The following RERE variants were observed in gnomAD, a reference collection of about 807,000 sequenced individuals.
RERE encodes arginine-glutamic acid dipeptide repeats protein.
RERE carries 40 observed loss-of-function variants against 146.1 expected under a neutral mutation model. The observed-to-expected ratio is 0.27, with a 90% CI of 0.21 to 0.36. The LOEUF is 0.36. Among genes scored for constraint, RERE ranks in the 10% least tolerant of loss-of-function variants. The pLI, the probability that RERE is intolerant of heterozygous loss-of-function variation, is 1.00. For missense variants in RERE, 1,933 were observed against 2,138.7 expected, an observed-to-expected ratio of 0.90 and a Z score of 1.90; for synonymous variants, 1,003 against 866.0, an observed-to-expected ratio of 1.16 and a Z score of -2.78.
intron 10 of RERE, among the ~76,000 whole-genome samples, chr1:8,472,344 T>G (rs1370684526): frequency 6.6e-6 from 1 of 152,222 alleles, no homozygotes; most frequent in African/African-American, 2.4e-5. Flanking sequence ...TCTAAACACC[T>G]GATCACGACC....
chr1:8,397,734 G>GT (rs1304773862), intron 12 of RERE, among the ~76,000 whole-genome samples: 1 of 152,124 alleles, frequency 6.6e-6, no homozygotes, highest in Non-Finnish European at 1.5e-5. Context: ...CCCATATGCA[G>GT]TAAGTTCCTG....
chr1:8,485,263 A>G (rs1644884279), intron 10 of RERE, among the ~76,000 whole-genome samples: 1 of 152,152 alleles, frequency 6.6e-6, no homozygotes, highest in Admixed American at 6.5e-5. Flanking sequence ...TGGGAGGCTG[A>G]GGCAGGAGAA....
intron 4 of RERE, among the ~76,000 whole-genome samples, chr1:8,584,820 C>G (rs890509616): frequency 6.6e-6 from 1 of 152,128 alleles, no homozygotes; most frequent in Non-Finnish European, 1.5e-5. Flanking sequence ...AGTATTGTTA[C>G]TCTGAAACTA....
intron 1 of RERE, among the ~76,000 whole-genome samples, chr1:8,813,835 G>A (rs1354874121): frequency 3.9e-5 from 6 of 152,038 alleles, no homozygotes; most frequent in African/African-American, 1.2e-4. Context: ...GGCTGGTCTC[G>A]AACTCCTGAC....
intron 4 of RERE, among the ~76,000 whole-genome samples, chr1:8,592,399 T>C (rs937088194): frequency 1.2e-4 from 18 of 152,208 alleles, no homozygotes; most frequent in Admixed American, 2.0e-4. Flanking sequence ...TCCTCCCAAG[T>C]ATCTGGGACT....
intron 1 of RERE, chr1:8,786,661 A>T (rs938078225): frequency 3.3e-5 from 26 of 778,676 alleles, no homozygotes; most frequent in Non-Finnish European, 5.6e-5. Context: ...TCTGGTCCTG[A>T]TGACAAAGGC....
intron 4 of RERE, among the ~76,000 whole-genome samples, chr1:8,578,765 G>A (rs752583538): frequency 3.4e-4 from 51 of 152,156 alleles, no homozygotes; most frequent in Non-Finnish European, 7.1e-4. Context: ...TGCTCCAGTT[G>A]AAAGAAACAT....
At chr1:8,361,631 C>G in intron 17 of RERE, 132 bp downstream of exon 17, 1 of 1,355,894 alleles carries the variant, frequency 7.4e-7, no homozygotes, top group South Asian at 1.2e-5. Flanking sequence ...GTGCCCTGAC[C>G]CAGCCAGTGT....
intron 11 of RERE, among the ~76,000 whole-genome samples, chr1:8,464,690 T>C (rs368191547): frequency 1.4e-4 from 21 of 152,272 alleles, no homozygotes; most frequent in African/African-American, 5.1e-4. Context: ...AATTCTCTAA[T>C]ATCCAAAAGG....
At chr1:8,701,754 C>T (rs1480749962) in intron 1 of RERE, among the ~76,000 whole-genome samples, 3 of 151,936 alleles carry the variant, frequency 2.0e-5, no homozygotes, top group Non-Finnish European at 2.9e-5. Context: ...TCCCAGGGAT[C>T]TTTATAAAAT....
In RERE at chr1:8,445,471, C is replaced by T. The variant is rs191187733; in HGVS notation, c.1203+20454G>A. 9.8e-5 allele frequency among the ~76,000 whole-genome samples: 15 copies of T among 152,346 alleles called. 1 individual carries two copies. The highest frequency in any genetic ancestry group is 6.5e-4 in the Admixed American group (10 of 15,304). ...TTCAGCCTGGACTCTCACATACCCA[C>T]ACCACACCCAAGCATCTGGACTCTT... On this transcript the variant is annotated intron_variant, in intron 11 of 22. Coordinates refer to ENST00000400908, the MANE Select transcript of RERE (RefSeq NM_001042681.2).
chr1:8,689,759 A>G (rs1397499437), intron 1 of RERE, among the ~76,000 whole-genome samples: 1 of 151,340 alleles, frequency 6.6e-6, no homozygotes, highest in African/African-American at 2.4e-5. Flanking sequence ...CCATCGAAGG[A>G]GCAATGGATA....
chr1:8,439,518 G>C (rs1644217658), intron 11 of RERE, among the ~76,000 whole-genome samples: 1 of 152,156 alleles, frequency 6.6e-6, no homozygotes, highest in Non-Finnish European at 1.5e-5. Flanking sequence ...TAACTACGAA[G>C]CTAGAGGTCA....
intron 1 of RERE, among the ~76,000 whole-genome samples, chr1:8,813,374 A>T (rs941932790): frequency 2.0e-5 from 3 of 152,208 alleles, no homozygotes; most frequent in African/African-American, 7.2e-5. Flanking sequence ...AGAACTTGGT[A>T]TGTCCAACTT....
At chr1:8,687,312 A>T (rs973284394) in intron 1 of RERE, among the ~76,000 whole-genome samples, 1 of 152,196 alleles carries the variant, frequency 6.6e-6, no homozygotes, top group African/African-American at 2.4e-5. Context: ...AGGTGGCAAG[A>T]TGTGGTAGGA....
intron 11 of RERE, among the ~76,000 whole-genome samples, chr1:8,458,228 G>A (rs1644478428): frequency 6.6e-6 from 1 of 152,102 alleles, no homozygotes; most frequent in African/African-American, 2.4e-5. Context: ...AAGTCCCCTT[G>A]TGCCTTGTTC....
intron 12 of RERE, among the ~76,000 whole-genome samples, chr1:8,373,528 G>A (rs1303417360): frequency 3.9e-5 from 6 of 152,140 alleles, no homozygotes; most frequent in African/African-American, 1.2e-4. Flanking sequence ...GGGCAGAGAG[G>A]GAGAAAGAAG....
At chr1:8,410,120 A>G (rs1242423194) in intron 12 of RERE, among the ~76,000 whole-genome samples, 1 of 151,958 alleles carries the variant, frequency 6.6e-6, no homozygotes, top group African/African-American at 2.4e-5. Flanking sequence ...GGAACTGTGC[A>G]CTGATGCACA....
intron 3 of RERE, among the ~76,000 whole-genome samples, chr1:8,623,871 C>A (rs1323578879): frequency 6.6e-6 from 1 of 152,192 alleles, no homozygotes; most frequent in Non-Finnish European, 1.5e-5. Context: ...ACAATTTCAA[C>A]ATCATATACT....
Sources: allele counts gnomAD v4.1 joint callset (sites outside exome capture counted in the v4.1 genomes callset), GRCh38; gene constraint gnomAD v4.1.1; transcripts MANE v1.5; gene names NCBI Gene and HGNC (gene_info 2026-07-23, HGNC 2026-07-21).